The following IDNK variants were observed in gnomAD, a reference collection of about 807,000 sequenced individuals.
IDNK encodes the protein IDNK gluconokinase.
Under a neutral mutation model 13.0 loss-of-function variants are expected in IDNK, and 9 were observed. The observed-to-expected ratio is 0.69, with a 90% CI of 0.42 to 1.21. IDNK has a LOEUF of 1.21. IDNK is among the 50% of genes most tolerant of loss of function. The pLI is 0.00. For missense variants in IDNK, 210 were observed against 237.8 expected, an observed-to-expected ratio of 0.88 and a Z score of 0.77; for synonymous variants, 92 against 94.9, an observed-to-expected ratio of 0.97 and a Z score of 0.18.
chr9:83,623,329 A>C lies in IDNK; in HGVS notation c.50+108A>C, dbSNP rs1028993314. ...TGGACTGGGGTCTTGGGGACCCCCC[A>C]CCCTTCCCTTTGCAGATGAAGAAAC... On this transcript the variant is annotated intron_variant, in intron 1 of 4. Transcript: ENST00000376419. 7.7e-6 allele frequency: 8 copies of C among 1,033,116 alleles called. No individual in the cohort carries two copies. The African/African-American group carries it at 1.0e-4, about 13-fold the overall frequency. The allele number at this position is 1,033,116 out of a possible 1,614,324, so 64.0% of individuals were successfully genotyped here.
At chr9:83,633,595 T>C (rs1311951140) in intron 3 of IDNK, among the ~76,000 whole-genome samples, 1 of 152,220 alleles carries the variant, frequency 6.6e-6, no homozygotes, top group East Asian at 1.9e-4. Flanking sequence ...TTAAACTCTT[T>C]CAAAAATTCA....
chr9:83,642,117 C>T (rs1050486808), intron 4 of IDNK, among the ~76,000 whole-genome samples: 3 of 152,068 alleles, frequency 2.0e-5, no homozygotes, highest in African/African-American at 7.3e-5. Flanking sequence ...TTAGAGTCCA[C>T]ATTGCCCAGC....
rs754841574 is a variant in IDNK at position 83,643,413 on chromosome 9, T to G, written c.213-16T>G. 1.3e-6 allele frequency: 2 copies of G among 1,564,112 alleles called. No individual in the cohort carries two copies. ...CTTCTTTAGCCTCCCTCTTTTTTTT[T>G]TCTTTTTCTAAACAGAGATGTAGCC... On this transcript the variant is annotated splice_polypyrimidine_tract_variant and intron_variant, in intron 4 of 4. Coordinates refer to ENST00000376419, the MANE Select transcript of IDNK (RefSeq NM_001001551.4).
chr9:83,638,066 C>G lies in IDNK; in HGVS notation c.169-3482C>G, dbSNP rs982331656. On this transcript the variant is annotated intron_variant, in intron 3 of 4. Coordinates refer to ENST00000376419, the MANE Select transcript of IDNK (RefSeq NM_001001551.4). ...CTGTTCTAGAATTGGTGAAACTGCC[C>G]GTGAAAGTGTTTCCAAAACTTAGGA... 3.3e-5 allele frequency among the ~76,000 whole-genome samples: 5 copies of G among 151,760 alleles called. No homozygotes were observed. In the East Asian group the frequency reaches 9.7e-4, roughly 29 times the overall value.
At chr9:83,643,289 G>A (rs1051739525) in intron 4 of IDNK, 140 bp from the exon 5 acceptor site, 8 of 650,688 alleles carry the variant, frequency 1.2e-5, no homozygotes, top group Admixed American at 8.9e-5. Context: ...TGCTAGGACT[G>A]CCTGATGCTT....
At chr9:83,629,393 AC>A (rs3833698) in intron 3 of IDNK, among the ~76,000 whole-genome samples, 1 of 152,144 alleles carries the variant, frequency 6.6e-6, no homozygotes, top group East Asian at 1.9e-4. Context: ...TCTGCCTGTG[AC>A]CCTTTAGAGG....
Position 83,628,877 on chromosome 9 carries a change from G to C in IDNK, c.86G>C (p.Gly29Ala). The C allele has an allele frequency of 6.2e-7, 1 of 1,613,398 alleles. No individual in the cohort carries two copies. The highest frequency in any genetic ancestry group is 8.5e-7 in the Non-Finnish European group (1 of 1,179,330). The change falls in exon 3 of 5, where the codon GGA becomes GCA. Residue 29 changes from glycine to alanine, a missense_variant. Transcript: ENST00000376419. ...TVGALLASEL[G>A]WKFYDADDYH... ...CCTTTCACTTTGTTCTTAAAGCTGG[G>C]ATGGAAATTCTATGATGCTGATGAT...
intron 3 of IDNK, among the ~76,000 whole-genome samples, chr9:83,631,148 G>A (rs750518512): frequency 1.3e-5 from 2 of 151,308 alleles, no homozygotes; most frequent in Non-Finnish European, 2.9e-5. Context: ...CTGCCCCCAT[G>A]CTACAGAGCT....
At chr9:83,643,343 A>G in intron 4 of IDNK, 86 bp from the exon 5 acceptor site, 1 of 1,029,762 alleles carries the variant, frequency 9.7e-7, no homozygotes. Context: ...AAGTAGGACT[A>G]GAGTCCTGCA....
chr9:83,624,532 A>T (rs542435259), intron 1 of IDNK, among the ~76,000 whole-genome samples: 3 of 152,010 alleles, frequency 2.0e-5, no homozygotes, highest in Non-Finnish European at 4.4e-5. Context: ...GATGCTCTGG[A>T]GTAAGGGGAA....
intron 3 of IDNK, among the ~76,000 whole-genome samples, chr9:83,637,963 T>G (rs1831207761): frequency 6.6e-6 from 1 of 152,134 alleles, no homozygotes; most frequent in South Asian, 2.1e-4. Context: ...CAATCATCCT[T>G]GAGAAACCTG....
At chr9:83,635,682 T>G (rs1297714176) in intron 3 of IDNK, among the ~76,000 whole-genome samples, 1 of 152,240 alleles carries the variant, frequency 6.6e-6, no homozygotes, top group Non-Finnish European at 1.5e-5. Context: ...ATCTTTAAAT[T>G]TAACCCTTAG....
At chr9:83,629,159 C>T (rs886546151) in intron 3 of IDNK, among the ~76,000 whole-genome samples, 200 bp downstream of exon 3, 3 of 152,184 alleles carry the variant, frequency 2.0e-5, no homozygotes, top group Admixed American at 6.5e-5. Flanking sequence ...AGGAACAATG[C>T]CACCCTCTGC....
intron 4 of IDNK, 38 bp downstream of exon 4, chr9:83,641,629 G>T: frequency 6.2e-7 from 1 of 1,604,184 alleles, no homozygotes; most frequent in Non-Finnish European, 8.5e-7. Flanking sequence ...GCCAAAGCCA[G>T]CAGGTAAAGA....
upstream of IDNK, chr9:83,623,132 CG>C: frequency 7.2e-7 from 1 of 1,398,588 alleles, no homozygotes; most frequent in South Asian, 1.6e-5. Context: ...CCGGGGCCGG[CG>C]GGGCCCGGAA....
intron 1 of IDNK, chr9:83,626,707 G>A (rs1275310462): frequency 1.6e-5 from 20 of 1,267,856 alleles, no homozygotes; most frequent in Non-Finnish European, 1.9e-5. Flanking sequence ...GTGAGCCAAG[G>A]GCTCAACCTA....
At chr9:83,626,793 C>T (rs1282156766) in intron 1 of IDNK, 10 of 1,166,828 alleles carry the variant, frequency 8.6e-6, no homozygotes, top group African/African-American at 1.6e-5. Flanking sequence ...GGATGGTCTA[C>T]TCATCCGTAG....
chr9:83,632,532 A>T (rs1161432541), intron 3 of IDNK, among the ~76,000 whole-genome samples: 2 of 144,156 alleles, frequency 1.4e-5, no homozygotes, highest in African/African-American at 5.2e-5. Flanking sequence ...CATAAAATAC[A>T]CTAACATTAA....
chr9:83,634,357 G>T (rs1338013639), intron 3 of IDNK, among the ~76,000 whole-genome samples: 1 of 152,120 alleles, frequency 6.6e-6, no homozygotes, highest in Non-Finnish European at 1.5e-5. Flanking sequence ...TGTTTATTAT[G>T]GCTTTCATAG....
Sources: gnomAD v4.1 joint callset for allele counts (sites outside exome capture counted in the v4.1 genomes callset) on GRCh38, gnomAD v4.1.1 for gene constraint, MANE v1.5 for transcripts, NCBI Gene and HGNC (gene_info 2026-07-23, HGNC 2026-07-21) for gene names.